The following FOCAD variants were observed in gnomAD, a reference collection of about 807,000 sequenced individuals.
The protein encoded by FOCAD is KIAA1797.
In FOCAD, 198 loss-of-function variants were observed where a neutral mutation model predicts 225.6. The observed-to-expected ratio is 0.88, with a 90% CI of 0.78 to 0.99. FOCAD has a LOEUF of 0.99. FOCAD is among the 50% of genes least tolerant of loss of function. The pLI is 0.00. For synonymous variants in FOCAD, 897 were observed against 755.0 expected (o/e 1.19, Z -3.08); for missense variants, 2,713 against 2,123.6 (o/e 1.28, Z -5.46).
intron 15 of FOCAD, among the ~76,000 whole-genome samples, chr9:20,830,651 T>A (rs895258987): frequency 6.6e-6 from 1 of 152,114 alleles, no homozygotes; most frequent in Admixed American, 6.6e-5. Context: ...CATTTTTGAT[T>A]GAATATTTAA....
chr9:20,815,987 T>C (rs1012628296), intron 11 of FOCAD, among the ~76,000 whole-genome samples: 1 of 152,164 alleles, frequency 6.6e-6, no homozygotes, highest in Non-Finnish European at 1.5e-5. Context: ...TTCCATTTAA[T>C]TGGGGACTGA....
intron 15 of FOCAD, among the ~76,000 whole-genome samples, chr9:20,860,410 C>G (rs1042078888): frequency 1.3e-5 from 2 of 152,130 alleles, no homozygotes; most frequent in Non-Finnish European, 2.9e-5. Flanking sequence ...ACAGTCATGG[C>G]CTTTTCTTCT....
At chr9:20,981,347 C>T in intron 37 of FOCAD, 79 bp from the exon 38 acceptor site, 6 of 1,479,260 alleles carry the variant, frequency 4.1e-6, no homozygotes, top group Non-Finnish European at 5.6e-6. Context: ...CCCTCAAACA[C>T]AGTGATGATG....
chr9:20,750,253 G>A (rs971088481), intron 5 of FOCAD, among the ~76,000 whole-genome samples: 12 of 152,058 alleles, frequency 7.9e-5, no homozygotes, highest in South Asian at 2.1e-4. Flanking sequence ...TGATAATTAC[G>A]TTTATTGTAG....
At chr9:20,821,735 T>C (rs1824344534) in intron 14 of FOCAD, among the ~76,000 whole-genome samples, 1 of 151,886 alleles carries the variant, frequency 6.6e-6, no homozygotes, top group African/African-American at 2.4e-5. Flanking sequence ...CATTTGAAAC[T>C]GTAGTCCTGC....
intron 39 of FOCAD, 43 bp downstream of exon 39, chr9:20,982,489 G>T (rs1840790104): frequency 4.7e-6 from 7 of 1,498,672 alleles, no homozygotes; most frequent in Non-Finnish European, 5.6e-6. Flanking sequence ...TATTGAGCCA[G>T]AAATTACGAT....
At chr9:20,750,879 T>C (rs1478636793) in intron 5 of FOCAD, among the ~76,000 whole-genome samples, 1 of 152,156 alleles carries the variant, frequency 6.6e-6, no homozygotes, top group Non-Finnish European at 1.5e-5. Flanking sequence ...CCTTTAATAC[T>C]TTTTGCCTTT....
rs1165131262 is a variant in FOCAD, at chr9:20,676,697, T to G, written c.-77-17823T>G. Among the ~76,000 whole-genome samples the G allele has an allele frequency of 9.9e-5, 15 of 152,260 alleles. No homozygotes were observed. In the South Asian group the frequency reaches 2.9e-3, roughly 29 times the overall value. On this transcript the variant is annotated intron_variant, in intron 2 of 45. Coordinates refer to the FOCAD transcript ENST00000380249. Reference sequence around the variant, plus strand: ...TTCCAATAGCATTTTTGGATTTCAATGCAAGTGGAAAGGAAATTTTCAAAC... The same window carrying G: ...TTCCAATAGCATTTTTGGATTTCAAGGCAAGTGGAAAGGAAATTTTCAAAC...
chr9:20,815,248 C>G (rs1823599213), intron 11 of FOCAD, among the ~76,000 whole-genome samples: 2 of 148,288 alleles, frequency 1.3e-5, no homozygotes. Flanking sequence ...ATTCTCATGC[C>G]TCAGCCTCCT....
At chr9:20,699,501 G>A (rs1023305200) in intron 1 of FOCAD, among the ~76,000 whole-genome samples, 1 of 151,396 alleles carries the variant, frequency 6.6e-6, no homozygotes, top group African/African-American at 2.4e-5. Flanking sequence ...CAGCACTTTG[G>A]GAGGCCCAGG....
At chr9:20,908,976 A>G (rs1039364048) in intron 22 of FOCAD, among the ~76,000 whole-genome samples, 3 of 152,070 alleles carry the variant, frequency 2.0e-5, no homozygotes, top group Non-Finnish European at 2.9e-5. Flanking sequence ...AGTATCTTTG[A>G]TGCATTAATA....
intron 8 of FOCAD, among the ~76,000 whole-genome samples, chr9:20,778,003 T>A (rs1307399103): frequency 2.9e-5 from 4 of 137,174 alleles, no homozygotes; most frequent in African/African-American, 1.1e-4. Flanking sequence ...GGCAGGAGAA[T>A]GGCGTGAACC....
chr9:20,714,221 A>G (rs991802131), intron 1 of FOCAD, among the ~76,000 whole-genome samples: 3 of 152,220 alleles, frequency 2.0e-5, no homozygotes, highest in Admixed American at 6.5e-5. Flanking sequence ...AAGTGCTCCA[A>G]TGAGCATTTC....
intron 35 of FOCAD, among the ~76,000 whole-genome samples, chr9:20,954,814 T>C (rs1471036303): frequency 6.6e-6 from 1 of 152,210 alleles, no homozygotes. Flanking sequence ...GAGGAAAATC[T>C]ATTCAGCCTT....
At chr9:20,671,952 T>G (rs757055105) in intron 2 of FOCAD, among the ~76,000 whole-genome samples, 9 of 152,158 alleles carry the variant, frequency 5.9e-5, no homozygotes, top group Non-Finnish European at 1.0e-4. Flanking sequence ...ATAGGAATAT[T>G]TACACCACAG....
At chr9:20,948,193 T>C (rs1837362238) in intron 30 of FOCAD, 78 bp from the exon 31 acceptor site, 1 of 1,339,180 alleles carries the variant, frequency 7.5e-7, no homozygotes, top group Non-Finnish European at 1.0e-6. Context: ...AAAGTGTTTA[T>C]GTTGCTATTT....
upstream of FOCAD, among the ~76,000 whole-genome samples, chr9:20,680,006 C>T (rs1822352685): frequency 6.6e-6 from 1 of 152,232 alleles, no homozygotes; most frequent in African/African-American, 2.4e-5. Flanking sequence ...CTACAAACAT[C>T]TGCATCAGAT....
At chr9:20,803,307 C>T (rs925796690) in intron 11 of FOCAD, among the ~76,000 whole-genome samples, 1 of 152,048 alleles carries the variant, frequency 6.6e-6, no homozygotes, top group Non-Finnish European at 1.5e-5. Context: ...TTCAGCCTAC[C>T]TTCTACCTGC....
intron 20 of FOCAD, among the ~76,000 whole-genome samples, chr9:20,884,289 A>G (rs956339938): frequency 2.0e-5 from 3 of 152,190 alleles, no homozygotes; most frequent in Non-Finnish European, 2.9e-5. Context: ...AATAAGTAAT[A>G]TACTATATTA....
Sources: gnomAD v4.1 joint callset for allele counts (sites outside exome capture counted in the v4.1 genomes callset) on GRCh38, gnomAD v4.1.1 for gene constraint, MANE v1.5 for transcripts, NCBI Gene and HGNC (gene_info 2026-07-23, HGNC 2026-07-21) for gene names.